PNPLA1: variants seen among roughly 807,000 people sequenced by gnomAD.
PNPLA1 encodes patatin like domain 1, omega-hydroxyceramide transacylase.
PNPLA1 carries 36 observed loss-of-function variants against 51.7 expected under a neutral mutation model. The ratio of observed to expected loss-of-function variants is 0.70; its 90% CI spans 0.53 to 0.92. PNPLA1 has a LOEUF of 0.92. PNPLA1 is among the 40% of genes least tolerant of loss of function. The pLI is 0.00. For missense variants in PNPLA1, 658 were observed against 682.5 expected (o/e 0.96, Z 0.40); for synonymous variants, 293 against 280.1 (o/e 1.05, Z -0.46).
intron 5 of PNPLA1, among the ~76,000 whole-genome samples, chr6:36,297,710 G>C (rs1429636167): frequency 6.6e-6 from 1 of 152,250 alleles, no homozygotes; most frequent in Non-Finnish European, 1.5e-5. Context: ...ACACAGATGT[G>C]TGAATGTGGG....
intron 5 of PNPLA1, among the ~76,000 whole-genome samples, chr6:36,298,841 C>A (rs557149947): frequency 2.0e-5 from 3 of 152,152 alleles, no homozygotes; most frequent in Non-Finnish European, 4.4e-5. Flanking sequence ...TGGGTTCAAG[C>A]GATTCTCCCG....
intron 2 of PNPLA1, 48 bp from the exon 3 acceptor site, chr6:36,293,013 A>T: frequency 6.5e-7 from 1 of 1,540,974 alleles, no homozygotes; most frequent in South Asian, 1.2e-5. Context: ...AGCTGTCCCC[A>T]CCCCACCCCC....
intron 1 of PNPLA1, among the ~76,000 whole-genome samples, chr6:36,254,238 A>C (rs554561954): frequency 6.6e-6 from 1 of 152,294 alleles, no homozygotes; most frequent in African/African-American, 2.4e-5. Context: ...CTTTTCAATC[A>C]CATCCTAATC....
intron 1 of PNPLA1, among the ~76,000 whole-genome samples, chr6:36,250,765 G>A (rs575912511): frequency 2.1e-4 from 32 of 152,286 alleles, no homozygotes; most frequent in African/African-American, 6.7e-4. Flanking sequence ...GTGCAGTGGC[G>A]TGATCCTGGC....
At chr6:36,297,484 G>C (rs961838438) in intron 5 of PNPLA1, among the ~76,000 whole-genome samples, 1 of 152,110 alleles carries the variant, frequency 6.6e-6, no homozygotes, top group Admixed American at 6.5e-5. Flanking sequence ...CTGGGTAGGG[G>C]TCACCTCCAG....
intron 1 of PNPLA1, among the ~76,000 whole-genome samples, chr6:36,282,606 G>A (rs187766252): frequency 2.5e-4 from 38 of 152,326 alleles, no homozygotes; most frequent in African/African-American, 8.7e-4. Flanking sequence ...GTATCAGCAG[G>A]TGCTAACTGA....
At chr6:36,267,324 C>T (rs1221154101), upstream of PNPLA1, among the ~76,000 whole-genome samples, 1 of 152,210 alleles carries the variant, frequency 6.6e-6, no homozygotes, top group East Asian at 1.9e-4. Flanking sequence ...CTGAGGCCTG[C>T]TGCTCACCAG....
chr6:36,283,283 C>G (rs887530195), intron 1 of PNPLA1, among the ~76,000 whole-genome samples: 1 of 152,172 alleles, frequency 6.6e-6, no homozygotes, highest in African/African-American at 2.4e-5. Flanking sequence ...ATTTTTAAAC[C>G]AACTCACTTA....
At chr6:36,293,024 G>A (rs374299230) in intron 2 of PNPLA1, 37 bp from the exon 3 acceptor site, 17 of 1,569,900 alleles carry the variant, frequency 1.1e-5, no homozygotes, top group African/African-American at 4.1e-5. Flanking sequence ...CCCCACCCCC[G>A]GGCCTCCAGC....
intron 1 of PNPLA1, among the ~76,000 whole-genome samples, chr6:36,246,670 C>G (rs940165273): frequency 6.6e-6 from 1 of 152,168 alleles, no homozygotes; most frequent in African/African-American, 2.4e-5. Context: ...TAGACGCTTT[C>G]CCACCCAGCT....
chr6:36,303,389 A>G (rs750757360), intron 6 of PNPLA1, among the ~76,000 whole-genome samples: 38 of 151,706 alleles, frequency 2.5e-4, no homozygotes, highest in Non-Finnish European at 3.8e-4. Flanking sequence ...CACCGCGCCC[A>G]GCCAGAAATT....
chr6:36,304,651 A>AAT (rs1315497928), intron 6 of PNPLA1, among the ~76,000 whole-genome samples: 1 of 148,890 alleles, frequency 6.7e-6, no homozygotes, highest in East Asian at 1.9e-4. Context: ...AAAAAAAAAA[A>AAT]GTCAGAAAAT....
At chr6:36,262,458 A>G (rs1445520329) in intron 1 of PNPLA1, among the ~76,000 whole-genome samples, 1 of 152,230 alleles carries the variant, frequency 6.6e-6, no homozygotes, top group African/African-American at 2.4e-5. Context: ...ATGCCAAAAC[A>G]AATAGCAGCG....
chr6:36,261,481 C>A (rs146278012), intron 1 of PNPLA1, among the ~76,000 whole-genome samples: 3 of 152,168 alleles, frequency 2.0e-5, no homozygotes, highest in Non-Finnish European at 4.4e-5. Flanking sequence ...ATGGGTTTAC[C>A]TACGTATTCA....
chr6:36,307,145 C>T (rs865870772), intron 7 of PNPLA1, among the ~76,000 whole-genome samples: 1 of 152,182 alleles, frequency 6.6e-6, no homozygotes, highest in African/African-American at 2.4e-5. Context: ...TCCATGACCA[C>T]AGCTGCAGGT....
intron 6 of PNPLA1, among the ~76,000 whole-genome samples, chr6:36,303,378 C>T (rs1284218824): frequency 6.6e-6 from 1 of 152,200 alleles, no homozygotes; most frequent in Non-Finnish European, 1.5e-5. Flanking sequence ...CAGGCGTGAG[C>T]CACCGCGCCC....
intron 4 of PNPLA1, 111 bp from the exon 5 acceptor site, chr6:36,295,253 G>T (rs1230835221): frequency 2.0e-5 from 22 of 1,104,910 alleles, no homozygotes; most frequent in Non-Finnish European, 3.0e-5. Flanking sequence ...GTTTTGAAAA[G>T]CCCATCAAAT....
intron 1 of PNPLA1, among the ~76,000 whole-genome samples, chr6:36,273,728 CAAAAAAAAAAA>C (rs57186870): frequency 8.3e-5 from 4 of 48,224 alleles, no homozygotes; most frequent in African/African-American, 1.9e-4. Flanking sequence ...GACCCCATCG[CAAAAAAAAAAA>C]AAAAAAAAAA....
intron 6 of PNPLA1, 53 bp from the exon 7 acceptor site, chr6:36,306,239 C>T (rs1379414908): frequency 2.2e-6 from 3 of 1,355,912 alleles, no homozygotes; most frequent in South Asian, 2.5e-5. Flanking sequence ...TCAAAAATGA[C>T]TCCATATCCC....
Sources: gnomAD v4.1 joint callset for allele counts (sites outside exome capture counted in the v4.1 genomes callset) on GRCh38, gnomAD v4.1.1 for gene constraint, MANE v1.5 for transcripts, NCBI Gene and HGNC (gene_info 2026-07-23, HGNC 2026-07-21) for gene names.